The following KIAA0513 variants were observed in gnomAD, a reference collection of about 807,000 sequenced individuals.
KIAA0513 encodes uncharacterized protein KIAA0513.
In KIAA0513, 39 loss-of-function variants were observed where a neutral mutation model predicts 56.5. The ratio of observed to expected loss-of-function variants is 0.69; its 90% confidence interval spans 0.53 to 0.90. The LOEUF is 0.90. Among genes scored for constraint, KIAA0513 ranks in the 40% least tolerant of loss-of-function variants. The pLI is 0.00. For synonymous variants in KIAA0513, 268 were observed against 215.6 expected (o/e 1.24, Z -2.13); for missense variants, 591 against 535.2 (o/e 1.10, Z -1.03).
intron 2 of KIAA0513, among the ~76,000 whole-genome samples, chr16:85,068,442 C>A (rs560166490): frequency 6.6e-6 from 1 of 152,006 alleles, no homozygotes; most frequent in Non-Finnish European, 1.5e-5. Flanking sequence ...ACACCATTCT[C>A]CTGCCTCAGC....
Position 85,039,107 on chromosome 16 carries a change from A to G in KIAA0513, c.-173+11249A>G, listed in dbSNP as rs960027751. Among the ~76,000 whole-genome samples the G allele has an allele frequency of 8.5e-5, 13 of 152,224 alleles. 1 individual carries two copies. The highest frequency in any genetic ancestry group is 2.9e-4 in the African/African-American group (12 of 41,464). ...ATGCCTGGTGCACTGTAGATGCTCA[A>G]TAATACTTGTTGAGTGATTGAATGG... On this transcript the variant is annotated intron_variant, in intron 1 of 12. Coordinates refer to ENST00000683363, the MANE Select transcript of KIAA0513 (RefSeq NM_001388359.1).
chr16:85,035,626 GA>G (rs1370059320), intron 1 of KIAA0513, among the ~76,000 whole-genome samples: 1 of 152,108 alleles, frequency 6.6e-6, no homozygotes, highest in African/African-American at 2.4e-5. Context: ...AAGTAGCTGG[GA>G]CTACAGGCAT....
At chr16:85,049,402 G>A (rs1209915161) in intron 1 of KIAA0513, among the ~76,000 whole-genome samples, 1 of 152,212 alleles carries the variant, frequency 6.6e-6, no homozygotes, top group African/African-American at 2.4e-5. Flanking sequence ...ACCTACCTTG[G>A]GTTCTGATAC....
At position 85,082,585 on chromosome 16, in the gene KIAA0513, G is replaced by C. The variant is rs1005317587; in HGVS notation, c.1002G>C (p.Glu334Asp). ...PTTRGDAGEEEEKREKWCHMT... is the reference protein window; with the variant it reads ...PTTRGDAGEEDEKREKWCHMT... ...CCAGAGGGGATGCTGGAGAGGAGGA[G>C]GAGAAGAGGTGTGTGTGTCCACGTG... Residue 334 changes from glutamate to aspartate, a missense_variant, in exon 10 of 13, where the codon GAG (glutamate) becomes GAC (aspartate). Glu to Asp is a conservative substitution (Grantham distance 45). Coordinates refer to ENST00000683363, the MANE Select transcript of KIAA0513 (RefSeq NM_001388359.1). The C allele has an allele frequency of 6.2e-7, 1 of 1,614,104 alleles. No individual in the cohort carries two copies. Among genetic ancestry groups the C allele is most frequent in the African/African-American group, 1.3e-5 (1 of 75,048 alleles).
At chr16:85,038,319 C>T (rs2073061529) in intron 1 of KIAA0513, among the ~76,000 whole-genome samples, 2 of 152,244 alleles carry the variant, frequency 1.3e-5, no homozygotes, top group African/African-American at 2.4e-5. Flanking sequence ...TTCCCTAACC[C>T]AGCACAATCC....
In KIAA0513 at chr16:85,081,030, C is replaced by T. The variant is rs368231994; in HGVS notation, c.903-285C>T. On this transcript the variant is annotated intron_variant, in intron 8 of 12. Coordinates refer to ENST00000683363, the MANE Select transcript of KIAA0513 (RefSeq NM_001388359.1). The surrounding 1 kb of genome is among the most constrained non-coding windows in gnomAD (Gnocchi z 4.4). Reference sequence around the variant, plus strand: ...TACAGATGGTGGCTTCAACTTTGCCCGCCAGTGCCCTCCTGCCTGCAGCGC... The same window carrying T: ...TACAGATGGTGGCTTCAACTTTGCCTGCCAGTGCCCTCCTGCCTGCAGCGC... 4.6e-5 allele frequency among the ~76,000 whole-genome samples: 7 copies of T among 152,304 alleles called. No individual in the cohort carries two copies. In the South Asian group the frequency reaches 8.3e-4, roughly 18 times the overall value.
intron 10 of KIAA0513, among the ~76,000 whole-genome samples, chr16:85,084,436 T>TC (rs1387682552): frequency 2.1e-5 from 3 of 145,932 alleles, no homozygotes; most frequent in African/African-American, 7.6e-5. Context: ...TCTCTTTTTT[T>TC]TTTTTTTTTT....
At chr16:85,034,770 G>C (rs1001260683) in intron 1 of KIAA0513, among the ~76,000 whole-genome samples, 1 of 152,176 alleles carries the variant, frequency 6.6e-6, no homozygotes, top group African/African-American at 2.4e-5. Context: ...ACGTAGCCAA[G>C]GTTACCGTCC....
intron 1 of KIAA0513, among the ~76,000 whole-genome samples, chr16:85,037,486 A>C (rs1277042563): frequency 6.6e-6 from 1 of 152,210 alleles, no homozygotes; most frequent in African/African-American, 2.4e-5. Flanking sequence ...GCAATAAAAG[A>C]ATGAGATGAG....
At chr16:85,029,559 G>A (rs957011373) in intron 1 of KIAA0513, among the ~76,000 whole-genome samples, 19 of 152,352 alleles carry the variant, frequency 1.2e-4, no homozygotes, top group South Asian at 2.1e-4. Context: ...TAGCCCCAGC[G>A]GCTCTGAGGA....
At chr16:85,037,908 C>T (rs988293210) in intron 1 of KIAA0513, among the ~76,000 whole-genome samples, 7 of 152,216 alleles carry the variant, frequency 4.6e-5, no homozygotes, top group Admixed American at 6.5e-5. Context: ...TGAGGCTGCA[C>T]GTCCTACCTG....
rs200860179 is a variant in KIAA0513 at position 85,086,677 on chromosome 16, C to T, written c.1044C>T (p.Arg348=). 8.2e-5 allele frequency: 132 copies of T among 1,613,840 alleles called. No homozygotes were observed. Among genetic ancestry groups the T allele is most frequent in the East Asian group, 7.4e-4 (33 of 44,854 alleles). Residue 348 remains arginine (R), a synonymous_variant, in exon 11 of 13, where the codon CGC becomes CGT. Transcript: ENST00000683363. ...GGTGCCACATGACCCAGGAGGAGCG[C>T]GACGACAGCCTCCGGTTCAACGAGA... ...EKWCHMTQEE[R]DDSLRFNENI... is the part of the protein sequence containing the mutation.
intron 12 of KIAA0513, among the ~76,000 whole-genome samples, 155 bp from the exon 13 acceptor site, chr16:85,088,121 G>T (rs558749085): frequency 6.6e-6 from 1 of 152,258 alleles, no homozygotes; most frequent in Non-Finnish European, 1.5e-5. Context: ...CCTGAAGCAC[G>T]CAAGCCGTGT....
chr16:85,071,557 C>A (rs188600116), intron 2 of KIAA0513, among the ~76,000 whole-genome samples: 1 of 152,166 alleles, frequency 6.6e-6, no homozygotes, highest in Admixed American at 6.5e-5. Flanking sequence ...TCACCACTCT[C>A]AAGCCGGCGT....
intron 1 of KIAA0513, among the ~76,000 whole-genome samples, chr16:85,065,009 C>T (rs899294533): frequency 3.9e-5 from 6 of 152,218 alleles, no homozygotes; most frequent in African/African-American, 1.4e-4. Context: ...CTCTTGCGTG[C>T]CTTGCCTATT....
chr16:85,055,092 T>G (rs2073309865), intron 1 of KIAA0513, among the ~76,000 whole-genome samples: 2 of 152,044 alleles, frequency 1.3e-5, no homozygotes, highest in Non-Finnish European at 2.9e-5. Flanking sequence ...CCAGCTAATT[T>G]AGTTTATTTT....
chr16:85,069,028 A>G (rs1314509738), intron 2 of KIAA0513, among the ~76,000 whole-genome samples: 2 of 151,956 alleles, frequency 1.3e-5, no homozygotes, highest in Admixed American at 6.6e-5. Flanking sequence ...TGTGCTCATA[A>G]GGAGCAGATT....
chr16:85,064,114 T>C (rs2143994817), intron 1 of KIAA0513, among the ~76,000 whole-genome samples: 1 of 151,342 alleles, frequency 6.6e-6, no homozygotes, highest in South Asian at 2.1e-4. Flanking sequence ...CAACCGATTC[T>C]CCTGCCTCAG....
At chr16:85,044,946 C>T (rs1036639663) in intron 1 of KIAA0513, among the ~76,000 whole-genome samples, 1 of 151,826 alleles carries the variant, frequency 6.6e-6, no homozygotes, top group African/African-American at 2.4e-5. Context: ...GTGAAACCCT[C>T]TCTCTACTAA....
Sources: gnomAD v4.1 joint callset for allele counts (sites outside exome capture counted in the v4.1 genomes callset) on GRCh38, gnomAD v4.1.1 for gene constraint, Gnocchi (gnomAD v3.1) non-coding constraint, MANE v1.5 for transcripts, NCBI Gene and HGNC (gene_info 2026-07-23, HGNC 2026-07-21) for gene names.